Variants in THOC1 observed in about 807,000 individuals in gnomAD.
THOC1 encodes THO complex subunit 1.
A neutral mutation model predicts 97.3 loss-of-function variants in THOC1; 29 were observed. The observed-to-expected ratio is 0.30, with a 90% CI of 0.22 to 0.41. The LOEUF (loss-of-function observed/expected upper bound fraction) is 0.41. Among genes scored for constraint, THOC1 ranks in the 10% least tolerant of loss-of-function variants. The pLI, the probability that THOC1 is intolerant of heterozygous loss-of-function variation, is 1.00. For missense variants in THOC1, 529 were observed against 761.9 expected (o/e 0.69, Z 3.60); for synonymous variants, 255 against 257.0 (o/e 0.99, Z 0.07).
chr18:242,205 G>A lies in THOC1; in HGVS notation c.918+4119C>T, dbSNP rs1170313609. ...AAGTTTATATCATCTGGCTGGGCGT[G>A]GTGGCTCACGCCTGTAATCCCTGCA... On this transcript the variant is annotated intron_variant, in intron 11 of 20. Coordinates refer to ENST00000261600, the MANE Select transcript of THOC1 (RefSeq NM_005131.3). This position sits in a 1 kb window ranked among gnomAD's most constrained non-coding sequence, Gnocchi z 4.5. 4.6e-5 allele frequency among the ~76,000 whole-genome samples: 7 copies of A among 151,586 alleles called. No homozygotes were observed. The highest frequency in any genetic ancestry group is 7.3e-5 in the African/African-American group (3 of 40,890).
chr18:236,445 T>C (rs1373222737), intron 11 of THOC1, among the ~76,000 whole-genome samples: 3 of 135,482 alleles, frequency 2.2e-5, no homozygotes, highest in Non-Finnish European at 4.6e-5. Context: ...AAGCTCCGCC[T>C]CCCGGGTTCA....
At chr18:246,916 CAAA>C (rs36101469) in intron 10 of THOC1, among the ~76,000 whole-genome samples, 18,121 of 98,436 alleles carry the variant, frequency 0.18, 971 homozygotes, top group African/African-American at 0.28. Context: ...GGCTCCGTCT[CAAA>C]AAAAAAAAAA....
chr18:226,967 CA>C, intron 11 of THOC1, 66 bp from the exon 12 acceptor site: 1 of 1,217,970 alleles, frequency 8.2e-7, no homozygotes, highest in Non-Finnish European at 1.2e-6. Context: ...CCTAAAGGTA[CA>C]AAATGTGCTA....
rs970379291 is a variant in THOC1, at chr18:247,733, TA to T, written c.786+115del. ...AATTTCACTTGTTATGAAATTGGTA[TA>T]AAAATGTAAGAGGCAGAATTACATA... On this transcript the variant is annotated intron_variant, in intron 10 of 20. Transcript: ENST00000261600. The T allele has an allele frequency of 1.3e-3, 858 of 636,676 alleles. 3 individuals are homozygous for T. Among genetic ancestry groups the T allele is most frequent in the African/African-American group, 0.012 (649 of 52,202 alleles). 39.4% of individuals were successfully genotyped at this position (636,676 alleles called of 1,614,324 possible). A position where few individuals can be genotyped will look rare whatever the true frequency, so the allele number is the denominator to read the frequency against.
At chr18:236,347 ATTCT>A (rs1460833639) in intron 11 of THOC1, among the ~76,000 whole-genome samples, 4 of 130,556 alleles carry the variant, frequency 3.1e-5, no homozygotes, top group African/African-American at 8.5e-5. Flanking sequence ...AAAGAATAAG[ATTCT>A]TTTTTTTTTT....
At chr18:251,316 A>C (rs1912272359) in intron 9 of THOC1, among the ~76,000 whole-genome samples, 1 of 152,210 alleles carries the variant, frequency 6.6e-6, no homozygotes, top group South Asian at 2.1e-4. Context: ...GGGATGCCAG[A>C]AATACATCTC....
intron 11 of THOC1, among the ~76,000 whole-genome samples, chr18:236,936 CT>C (rs954724697): frequency 2.7e-4 from 40 of 148,380 alleles, no homozygotes; most frequent in East Asian, 7.9e-4. Context: ...GACTGTTAGG[CT>C]TTTTTTTTTC....
chr18:250,085 G>A (rs1912233172), intron 9 of THOC1, among the ~76,000 whole-genome samples: 1 of 152,070 alleles, frequency 6.6e-6, no homozygotes, highest in African/African-American at 2.4e-5. Context: ...AAAGACTTTT[G>A]ATCTCTTCCC....
chr18:232,995 C>G (rs115736845), intron 11 of THOC1, among the ~76,000 whole-genome samples: 3 of 152,200 alleles, frequency 2.0e-5, no homozygotes, highest in Admixed American at 6.5e-5. Context: ...CAGTCTGTGC[C>G]TTGTCTTTTT....
chr18:218,741 A>T (rs1910981045), intron 18 of THOC1, 145 bp downstream of exon 18: 1 of 641,130 alleles, frequency 1.6e-6, no homozygotes, highest in Non-Finnish European at 2.7e-6. Context: ...GTGTACTAAC[A>T]AGAACTTGGA....
In THOC1 at chr18:252,388, G is replaced by A. The variant is rs943763140; in HGVS notation, c.677+151C>T. 18 of 641,336 alleles carry A rather than the reference G, an allele frequency of 2.8e-5. 1 individual carries two copies. The highest frequency in any genetic ancestry group is 3.9e-5 in the South Asian group (2 of 51,792). 39.7% of individuals were successfully genotyped at this position (641,336 alleles called of 1,614,324 possible). Reference sequence around the variant, plus strand: ...CAGATAAAGCCCATTAGTGATTTACGATTTATTAAGTAATATACATGAAAA... The same window carrying A: ...CAGATAAAGCCCATTAGTGATTTACAATTTATTAAGTAATATACATGAAAA... On this transcript the variant is annotated intron_variant, in intron 9 of 20. Transcript: ENST00000261600.
At chr18:229,236 A>C (rs1038881623) in intron 11 of THOC1, among the ~76,000 whole-genome samples, 1 of 152,158 alleles carries the variant, frequency 6.6e-6, no homozygotes, top group Non-Finnish European at 1.5e-5. Context: ...GCTCCTTTCC[A>C]TAAGCATTAA....
intron 11 of THOC1, among the ~76,000 whole-genome samples, chr18:238,531 C>A (rs1911787737): frequency 6.6e-6 from 1 of 152,218 alleles, no homozygotes; most frequent in African/African-American, 2.4e-5. Context: ...CAGCCTATGG[C>A]TCCTGGGCTA....
At chr18:256,500 A>C (rs954605228) in intron 7 of THOC1, among the ~76,000 whole-genome samples, 1 of 152,218 alleles carries the variant, frequency 6.6e-6, no homozygotes, top group Non-Finnish European at 1.5e-5. Flanking sequence ...CTTGAAACAG[A>C]TGAGGAGTTG....
rs983493366 is a variant in THOC1, at chr18:266,982, G to A, written c.54+984C>T. On this transcript the variant is annotated intron_variant, in intron 1 of 20. Transcript: ENST00000261600. The stretch of plus-strand genomic sequence containing the variant: ...TTAAAAAAAACCTCACACTGTGTGT[G>A]TGTGTATATATATATTATACGTATA... Among the ~76,000 whole-genome samples, 81 of 147,400 alleles carry A rather than the reference G, an allele frequency of 5.5e-4. 2 individuals carry two copies. The highest frequency in any genetic ancestry group is 5.9e-4 in the East Asian group (3 of 5,072).
intron 11 of THOC1, among the ~76,000 whole-genome samples, chr18:240,800 A>C (rs1911869438): frequency 6.6e-6 from 1 of 152,202 alleles, no homozygotes; most frequent in Non-Finnish European, 1.5e-5. Flanking sequence ...GTAATATATA[A>C]TGAAATACAT....
chr18:221,798 C>CG (rs1408970760), intron 17 of THOC1, among the ~76,000 whole-genome samples: 1 of 151,910 alleles, frequency 6.6e-6, no homozygotes, highest in Admixed American at 6.6e-5. Context: ...TTAGTAGAGA[C>CG]GGGGTTTCAC....
At chr18:250,711 C>G (rs1404071618) in intron 9 of THOC1, among the ~76,000 whole-genome samples, 1 of 152,182 alleles carries the variant, frequency 6.6e-6, no homozygotes, top group Non-Finnish European at 1.5e-5. Flanking sequence ...CAAAGTAATT[C>G]CTCACGTATT....
chr18:264,644 A>C (rs983310011), intron 3 of THOC1, among the ~76,000 whole-genome samples: 14 of 152,254 alleles, frequency 9.2e-5, no homozygotes, highest in African/African-American at 3.1e-4. Flanking sequence ...ATGCCTCACA[A>C]TGGAAAAGTG....
Sources: gnomAD v4.1 joint callset for allele counts (sites outside exome capture counted in the v4.1 genomes callset) on GRCh38, gnomAD v4.1.1 for gene constraint, Gnocchi (gnomAD v3.1) non-coding constraint, MANE v1.5 for transcripts, NCBI Gene and HGNC (gene_info 2026-07-23, HGNC 2026-07-21) for gene names.